The following SMAD3 variants were observed in gnomAD, a reference collection of about 807,000 sequenced individuals.
SMAD3 encodes MAD homolog 3.
A neutral mutation model predicts 51.8 loss-of-function variants in SMAD3; 12 were observed. The ratio of observed to expected loss-of-function variants is 0.23; its 90% CI spans 0.15 to 0.38. The LOEUF is 0.38. Ranked by LOEUF, SMAD3 falls within the 10% of genes least tolerant of loss-of-function variation. SMAD3 has a pLI of 1.00. For synonymous variants in SMAD3, 238 were observed against 227.7 expected (o/e 1.05, Z -0.41); for missense variants, 294 against 565.6 (o/e 0.52, Z 4.87).
At chr15:67,112,018 C>T (rs1251464302) in intron 1 of SMAD3, among the ~76,000 whole-genome samples, 2 of 151,950 alleles carry the variant, frequency 1.3e-5, no homozygotes, top group East Asian at 3.9e-4. Context: ...GAACTCCTGA[C>T]CTCAGATGAT....
chr15:67,182,277 A>G (rs1963081418), intron 6 of SMAD3, among the ~76,000 whole-genome samples: 1 of 152,222 alleles, frequency 6.6e-6, no homozygotes, highest in Non-Finnish European at 1.5e-5. Flanking sequence ...CCCCCAGAAC[A>G]TAAGTAAAAG....
chr15:67,071,598 TCAGGAGA>T (rs1960054408), intron 1 of SMAD3, among the ~76,000 whole-genome samples: 1 of 152,010 alleles, frequency 6.6e-6, no homozygotes, highest in Non-Finnish European at 1.5e-5. Flanking sequence ...GATCACGAGG[TCAGGAGA>T]TCACAACCAT....
chr15:67,164,174 G>A (rs1437648127), intron 1 of SMAD3, among the ~76,000 whole-genome samples: 1 of 151,566 alleles, frequency 6.6e-6, no homozygotes, highest in African/African-American at 2.4e-5. Flanking sequence ...AATTAGCTGG[G>A]CGTAGTGGCG....
At chr15:67,145,033 G>A (rs914429104) in intron 1 of SMAD3, among the ~76,000 whole-genome samples, 1 of 152,154 alleles carries the variant, frequency 6.6e-6, no homozygotes, top group African/African-American at 2.4e-5. Flanking sequence ...CCCAGCCAGA[G>A]AGCCAGGGTG....
intron 1 of SMAD3, chr15:67,099,165 C>T: frequency 3.2e-6 from 2 of 631,422 alleles, no homozygotes; most frequent in Non-Finnish European, 5.8e-6. Context: ...TTCACAGTCA[C>T]AGGGCTGGAA....
At chr15:67,099,973 G>C (rs1234094181) in intron 1 of SMAD3, among the ~76,000 whole-genome samples, 1 of 152,150 alleles carries the variant, frequency 6.6e-6, no homozygotes, top group Admixed American at 6.5e-5. Context: ...TTTGAGGTCA[G>C]GAGTTCAAGA....
In SMAD3 at chr15:67,069,391, G is replaced by A. The variant is rs566977975; in HGVS notation, c.206+3031G>A. On this transcript the variant is annotated intron_variant, in intron 1 of 8. Transcript: ENST00000327367. ...CTTGAGTACCTGAGTAAAGCTGCAGGTATCTTCCTTGCCAGTTTATAAGAA... is the reference window on the plus strand; with the variant it reads ...CTTGAGTACCTGAGTAAAGCTGCAGATATCTTCCTTGCCAGTTTATAAGAA... 9.9e-5 allele frequency among the ~76,000 whole-genome samples: 15 copies of A among 152,278 alleles called. No homozygotes were observed. In the South Asian group the frequency reaches 2.3e-3, roughly 23 times the overall value.
intron 1 of SMAD3, among the ~76,000 whole-genome samples, chr15:67,108,252 T>C (rs1052147963): frequency 6.6e-6 from 1 of 152,142 alleles, no homozygotes; most frequent in Non-Finnish European, 1.5e-5. Flanking sequence ...GTGGAGTGAC[T>C]GATTTCAAGT....
intron 1 of SMAD3, among the ~76,000 whole-genome samples, chr15:67,114,536 G>A (rs1961093952): frequency 6.6e-6 from 1 of 152,194 alleles, no homozygotes; most frequent in African/African-American, 2.4e-5. Flanking sequence ...ACAAAAAATA[G>A]ATTTGAATAC....
At chr15:67,141,309 A>G (rs932330980) in intron 1 of SMAD3, among the ~76,000 whole-genome samples, 3 of 152,150 alleles carry the variant, frequency 2.0e-5, no homozygotes, top group African/African-American at 4.8e-5. Context: ...ACATTTTGGG[A>G]TGAGCTGTGT....
In SMAD3 at chr15:67,180,005, G is replaced by A. The variant is rs190327915; in HGVS notation, c.659-1236G>A. Among the ~76,000 whole-genome samples the A allele has an allele frequency of 1.2e-4, 19 of 152,298 alleles. No homozygotes were observed. In the East Asian group the frequency reaches 1.7e-3, roughly 14 times the overall value. ...CTTCGGGTATATTTAAGAGCCAGAG[G>A]GACTTCAGAGGCAGGCTGAAGCTTT... is the stretch of plus-strand genomic sequence containing the variant. On this transcript the variant is annotated intron_variant, in intron 5 of 8. Coordinates refer to ENST00000327367, the MANE Select transcript of SMAD3 (RefSeq NM_005902.4).
intron 1 of SMAD3, chr15:67,125,641 T>G (rs957308073): frequency 3.0e-5 from 27 of 893,658 alleles, no homozygotes; most frequent in Non-Finnish European, 3.5e-5. Flanking sequence ...TGTTTATTTT[T>G]GATTTGAAAT....
chr15:67,119,074 G>A (rs904447083), intron 1 of SMAD3, among the ~76,000 whole-genome samples: 6 of 152,110 alleles, frequency 3.9e-5, no homozygotes, highest in African/African-American at 9.7e-5. Flanking sequence ...GGATGAGGCC[G>A]GGCTGGGGAG....
intron 4 of SMAD3, 67 bp downstream of exon 4, chr15:67,166,920 C>A: frequency 7.9e-7 from 1 of 1,265,380 alleles, no homozygotes; most frequent in Non-Finnish European, 1.1e-6. Flanking sequence ...TCCCTTCCAT[C>A]CCTTCCTCTT....
At chr15:67,166,167 T>C in intron 3 of SMAD3, 1 of 1,015,404 alleles carries the variant, frequency 9.8e-7, no homozygotes, top group Non-Finnish European at 1.2e-6. Flanking sequence ...TCTCAGATCC[T>C]TTGCGGGTAG....
At chr15:67,101,866 G>A (rs1240202722) in intron 1 of SMAD3, among the ~76,000 whole-genome samples, 2 of 152,186 alleles carry the variant, frequency 1.3e-5, no homozygotes, top group African/African-American at 2.4e-5. Context: ...GTTAGCTGTT[G>A]AGACTCTTAC....
intron 1 of SMAD3, among the ~76,000 whole-genome samples, chr15:67,103,580 A>C (rs12594610): frequency 6.6e-6 from 1 of 151,808 alleles, no homozygotes; most frequent in Non-Finnish European, 1.5e-5. Context: ...CCTGAGTCCC[A>C]CTCACCCTCC....
rs1450927153 is a variant in SMAD3 at position 67,066,250 on chromosome 15, G to C, written c.96G>C (p.Glu32Asp). 6.2e-7 allele frequency: 1 copy of C among 1,613,688 alleles called. No individual in the cohort carries two copies. Among genetic ancestry groups the C allele is most frequent in the African/African-American group, 1.3e-5 (1 of 74,908 alleles). The change falls in exon 1 of 9, where the codon GAG (glutamate) becomes GAC (aspartate). Residue 32 changes from glutamate (E) to aspartate (D), a missense_variant. Glu to Asp is a conservative substitution (Grantham distance 45, BLOSUM62 2). Around this residue, in one of 3 missense-constraint regions of SMAD3, gnomAD observed 147 missense variants for 260.9 expected, o/e 0.56. Coordinates refer to ENST00000327367, the MANE Select transcript of SMAD3 (RefSeq NM_005902.4). ...EQNGQEEKWC[E>D]KAVKSLVKKL... ...ACGGGCAGGAGGAGAAATGGTGCGA[G>C]AAGGCGGTCAAGAGCCTGGTCAAGA...
rs368655036 is a variant in SMAD3, at chr15:67,190,587, G to C, written c.*51G>C. 9.5e-5 allele frequency: 152 copies of C among 1,597,102 alleles called. No homozygotes were observed. Among genetic ancestry groups the C allele is most frequent in the Non-Finnish European group, 1.1e-4 (131 of 1,165,794 alleles). ...CAGGCTTGGGGAAAATGGCCATGCAGGAGGTGGAGAAAATTGGAACTCTAC... is the reference window on the plus strand; with the variant it reads ...CAGGCTTGGGGAAAATGGCCATGCACGAGGTGGAGAAAATTGGAACTCTAC... On this transcript the variant is annotated 3_prime_UTR_variant, in exon 9 of 9. Coordinates refer to ENST00000327367, the MANE Select transcript of SMAD3 (RefSeq NM_005902.4).
Sources: allele counts gnomAD v4.1 joint callset (sites outside exome capture counted in the v4.1 genomes callset), GRCh38; gene constraint gnomAD v4.1.1; regional missense constraint gnomAD v4.1.1; transcripts MANE v1.5; gene names NCBI Gene and HGNC (gene_info 2026-07-23, HGNC 2026-07-21).